STKLD1: variants seen among roughly 807,000 people sequenced by gnomAD.
STKLD1 encodes the protein serine/threonine kinase like domain containing 1.
STKLD1 carries 79 observed loss-of-function variants against 80.4 expected under a neutral mutation model. The ratio of observed to expected loss-of-function variants is 0.98; its 90% CI spans 0.82 to 1.19. The LOEUF (loss-of-function observed/expected upper bound fraction) is 1.19. Ranked by LOEUF, STKLD1 falls within the 50% of genes most tolerant of loss-of-function variation. The probability of loss-of-function intolerance (pLI) is 0.00; values close to 1 mark genes in which losing one functional copy is unlikely to be tolerated. For missense variants in STKLD1, 841 were observed against 856.0 expected (o/e 0.98, Z 0.22); for synonymous variants, 393 against 357.6 (o/e 1.10, Z -1.12).
At position 133,395,602 on chromosome 9, in the gene STKLD1, C is replaced by T; in HGVS notation, c.705C>T (p.Gly235=). The T allele has an allele frequency of 1.9e-6, 3 of 1,612,762 alleles. No homozygotes were observed. The highest frequency in any genetic ancestry group is 2.5e-6 in the Non-Finnish European group (3 of 1,179,910). The stretch of plus-strand genomic sequence containing the variant: ...AGAGCTGTCCTCTCTCCGTGCAGGG[C>T]ACAGAAGCCATGCATCTGCGGAAGT... ...LDMTSCSFMD[G]TEAMHLRKSL... is the part of the protein sequence containing the mutation. Residue 235 remains glycine, a splice_region_variant and synonymous_variant, in exon 9 of 18, where the codon GGC becomes GGT. Coordinates refer to ENST00000371957, the MANE Select transcript of STKLD1 (RefSeq NM_153710.5).
chr9:133,388,211 G>A (rs1039407505), intron 5 of STKLD1, among the ~76,000 whole-genome samples: 1 of 152,138 alleles, frequency 6.6e-6, no homozygotes, highest in East Asian at 1.9e-4. Context: ...GAGCATTCCC[G>A]ATCCACATGG....
intron 2 of STKLD1, among the ~76,000 whole-genome samples, chr9:133,382,942 CAG>C (rs1838175893): frequency 8.1e-6 from 1 of 122,948 alleles, no homozygotes; most frequent in African/African-American, 3.3e-5. Flanking sequence ...GTGGTGGTGA[CAG>C]TGGTGTTGAT....
chr9:133,385,622 G>A lies in STKLD1; in HGVS notation c.225G>A (p.Met75Ile). The change falls in exon 4 of 18, where the codon ATG becomes ATA. Residue 75 changes from methionine to isoleucine, a missense_variant. Transcript: ENST00000371957. This position sits in a 1 kb window ranked among gnomAD's most constrained non-coding sequence, Gnocchi z 4.9. ...CCTCTGCTCTATCCTGGCAGCTGAT[G>A]CCACTGCTGAAGCTGCGGCACGCCC... is the stretch of plus-strand genomic sequence containing the variant. ...HYASQALEELMPLLKLRHAHI... is the reference protein window; with the variant it reads ...HYASQALEELIPLLKLRHAHI... 6.2e-7 allele frequency: 1 copy of A among 1,613,344 alleles called. No homozygotes were observed. The highest frequency in any genetic ancestry group is 8.5e-7 in the Non-Finnish European group (1 of 1,179,964).
chr9:133,402,067 T>C (rs1453432625), intron 13 of STKLD1, among the ~76,000 whole-genome samples, 189 bp downstream of exon 13: 1 of 152,214 alleles, frequency 6.6e-6, no homozygotes, highest in Non-Finnish European at 1.5e-5. Context: ...TTTTCCATCT[T>C]GATGACAAGC....
At position 133,390,937 on chromosome 9, in the gene STKLD1, A is replaced by G. The variant is rs1838376385; in HGVS notation, c.583+141A>G. 2 of 692,772 alleles carry G rather than the reference A, an allele frequency of 2.9e-6. No individual in the cohort carries two copies. The allele number at this position is 692,772 out of a possible 1,614,324, so 42.9% of individuals were successfully genotyped here. A position where few individuals can be genotyped will look rare whatever the true frequency, so the allele number is the denominator to read the frequency against. On this transcript the variant is annotated intron_variant, in intron 7 of 17. Transcript: ENST00000371957. The surrounding 1 kb of genome is among the most constrained non-coding windows in gnomAD (Gnocchi z 5.1). ...TCCCCACAAAGCCCTGGCCTTGTGT[A>G]AACTCCAAAGAGACCTCCTTTGGGT...
Position 133,384,190 on chromosome 9 carries a change from C to G in STKLD1, c.219+290C>G. The G allele has an allele frequency of 2.8e-6, 1 of 352,652 alleles. No individual in the cohort carries two copies. The highest frequency in any genetic ancestry group is 3.4e-5 in the South Asian group (1 of 29,234). The allele number at this position is 352,652 out of a possible 1,614,324, so 21.8% of individuals were successfully genotyped here. ...ACGGTGGCTCACATTTGTAATCCCACCACTTTGGGAGGCCGAGGCGGGTGG... is the reference window on the plus strand; with the variant it reads ...ACGGTGGCTCACATTTGTAATCCCAGCACTTTGGGAGGCCGAGGCGGGTGG... On this transcript the variant is annotated intron_variant, in intron 3 of 17. Transcript: ENST00000371957. The surrounding 1 kb of genome is among the most constrained non-coding windows in gnomAD (Gnocchi z 4.3).
At chr9:133,402,194 A>G (rs28622217) in intron 13 of STKLD1, among the ~76,000 whole-genome samples, 17,894 of 152,122 alleles carry the variant, frequency 0.12, 1,380 homozygotes, top group African/African-American at 0.22. Context: ...TGGGGCTCAA[A>G]TGCCCTGTGT....
chr9:133,387,558 T>C lies in STKLD1; in HGVS notation c.396+10T>C. 1 of 1,611,134 alleles carries C rather than the reference T, an allele frequency of 6.2e-7. No individual in the cohort carries two copies. The highest frequency in any genetic ancestry group is 8.5e-7 in the Non-Finnish European group (1 of 1,177,472). On this transcript the variant is annotated intron_variant, in intron 5 of 17. Coordinates refer to ENST00000371957, the MANE Select transcript of STKLD1 (RefSeq NM_153710.5). Reference sequence around the variant, plus strand: ...AATCATTGACTCTGAGGTGAGGTCCTTTGGGGCACCAGGCCTGGGGGCCAC... The same window carrying C: ...AATCATTGACTCTGAGGTGAGGTCCCTTGGGGCACCAGGCCTGGGGGCCAC...
intron 5 of STKLD1, 141 bp downstream of exon 5, chr9:133,387,689 T>C (rs1466647950): frequency 2.8e-6 from 2 of 721,224 alleles, no homozygotes; most frequent in African/African-American, 3.5e-5. Context: ...CCTCGAGGCA[T>C]TGCACTCTAG....
chr9:133,405,150 C>A, intron 17 of STKLD1, 102 bp from the exon 18 acceptor site: 1 of 1,442,654 alleles, frequency 6.9e-7, no homozygotes, highest in Non-Finnish European at 9.3e-7. Context: ...TCTGTGCATG[C>A]CAAGCCCAAG....
intron 5 of STKLD1, chr9:133,387,944 G>A: frequency 2.3e-6 from 1 of 436,932 alleles, no homozygotes; most frequent in Non-Finnish European, 4.6e-6. Context: ...AGCAAATCAT[G>A]TGTTCATTGC....
At chr9:133,401,654 T>A (rs1838709170) in intron 12 of STKLD1, 84 bp from the exon 13 acceptor site, 2 of 1,471,370 alleles carry the variant, frequency 1.4e-6, no homozygotes, top group Non-Finnish European at 1.8e-6. Context: ...GGAGATGCTA[T>A]CCCCCAGCCT....
Position 133,395,850 on chromosome 9 carries a change from T to C in STKLD1, c.866+87T>C, listed in dbSNP as rs1391479808. 5.1e-6 allele frequency: 7 copies of C among 1,367,654 alleles called. No homozygotes were observed. In the East Asian group the frequency reaches 1.4e-4, roughly 27 times the overall value. The allele number at this position is 1,367,654 out of a possible 1,614,324, so 84.7% of individuals were successfully genotyped here. A position where few individuals can be genotyped will look rare whatever the true frequency, so the allele number is the denominator to read the frequency against. ...TAATACAAGCACAGCTAGTTGGCTT[T>C]GTAACGCCTCAAAGAACTCCATCAC... On this transcript the variant is annotated intron_variant, in intron 9 of 17. Coordinates refer to ENST00000371957, the MANE Select transcript of STKLD1 (RefSeq NM_153710.5).
rs1175884195 is a variant in STKLD1 at position 133,394,093 on chromosome 9, C to G, written c.584-198C>G. 1 of 611,978 alleles carries G rather than the reference C, an allele frequency of 1.6e-6. No homozygotes were observed. The highest frequency in any genetic ancestry group is 2.6e-5 in the East Asian group (1 of 37,830). The allele number at this position is 611,978 out of a possible 1,614,324, so 37.9% of individuals were successfully genotyped here. On this transcript the variant is annotated intron_variant, in intron 7 of 17. Transcript: ENST00000371957. This position sits in a 1 kb window ranked among gnomAD's most constrained non-coding sequence, Gnocchi z 4.9. The stretch of plus-strand genomic sequence containing the variant: ...TCAGTGGCTCCAGATCAACACAAAG[C>G]TCCCGCTGATTGGGGCCTCTTCCTC...
Position 133,385,545 on chromosome 9 carries a change from A to T in STKLD1, c.220-72A>T. On this transcript the variant is annotated intron_variant, in intron 3 of 17. Transcript: ENST00000371957. The surrounding 1 kb of genome is among the most constrained non-coding windows in gnomAD (Gnocchi z 4.9). The stretch of plus-strand genomic sequence containing the variant: ...GCTTGCATGTTTGTTGGGATGTGTG[A>T]CAGAGAAGCCCGAGCTGAGAAAGGC... The T allele has an allele frequency of 2.0e-6, 3 of 1,480,056 alleles. No homozygotes were observed. The highest frequency in any genetic ancestry group is 2.8e-6 in the Non-Finnish European group (3 of 1,064,350). The allele number at this position is 1,480,056 out of a possible 1,614,324, so 91.7% of individuals were successfully genotyped here.
chr9:133,378,844 A>G (rs1838067223), intron 1 of STKLD1, among the ~76,000 whole-genome samples, 192 bp from the exon 2 acceptor site: 1 of 152,208 alleles, frequency 6.6e-6, no homozygotes, highest in South Asian at 2.1e-4. Context: ...AATAGGTGAG[A>G]TCAGAGTTCT....
chr9:133,398,876 AG>A (rs898913112), intron 11 of STKLD1, among the ~76,000 whole-genome samples: 2 of 152,130 alleles, frequency 1.3e-5, no homozygotes, highest in African/African-American at 4.8e-5. Context: ...TTTTTGAGAC[AG>A]GGTCTCGCTC....
intron 11 of STKLD1, among the ~76,000 whole-genome samples, chr9:133,399,919 A>G (rs1248873188): frequency 1.4e-5 from 2 of 147,998 alleles, no homozygotes; most frequent in Non-Finnish European, 3.0e-5. Flanking sequence ...GCTTCGCTCC[A>G]CACTCCAGGT....
intron 16 of STKLD1, 81 bp downstream of exon 16, chr9:133,404,129 CACAAACCAAAAAACAGAAGCA>C: frequency 6.9e-7 from 1 of 1,456,840 alleles, no homozygotes; most frequent in Non-Finnish European, 9.1e-7. Context: ...TGCCAGGTGC[CACAAACCAAAAAACAGAAGCA>C]ACAAATCAAA....
Sources: gnomAD v4.1 joint callset for allele counts (sites outside exome capture counted in the v4.1 genomes callset) on GRCh38, gnomAD v4.1.1 for gene constraint, Gnocchi (gnomAD v3.1) non-coding constraint, MANE v1.5 for transcripts, NCBI Gene and HGNC (gene_info 2026-07-23, HGNC 2026-07-21) for gene names.